The following UBE4A variants were observed in gnomAD, a reference collection of about 807,000 sequenced individuals.
UBE4A encodes ubiquitin conjugation factor E4 A.
In UBE4A, 48 loss-of-function variants were observed where a neutral mutation model predicts 117.9. That is an observed-to-expected ratio of 0.41 (90% confidence interval 0.32 to 0.52). The LOEUF (loss-of-function observed/expected upper bound fraction) is 0.52. Among genes scored for constraint, UBE4A ranks in the 20% least tolerant of loss-of-function variants. The pLI is 0.33. For missense variants in UBE4A, 1,067 were observed against 1,296.3 expected, an observed-to-expected ratio of 0.82 and a Z score of 2.72; for synonymous variants, 407 against 450.0, an observed-to-expected ratio of 0.90 and a Z score of 1.21.
chr11:118,360,980 GTA>G (rs990685315), intron 1 of UBE4A, among the ~76,000 whole-genome samples: 2 of 139,230 alleles, frequency 1.4e-5, no homozygotes, highest in Admixed American at 7.2e-5. Context: ...ATATATGTAT[GTA>G]TATATGTGTG....
chr11:118,363,309 C>T (rs544145686), intron 1 of UBE4A, among the ~76,000 whole-genome samples: 46 of 152,030 alleles, frequency 3.0e-4, no homozygotes, highest in Non-Finnish European at 6.0e-4. Flanking sequence ...TGGGAGGCCG[C>T]GGTGGGAGGA....
chr11:118,380,867 C>T (rs897292357), intron 11 of UBE4A, among the ~76,000 whole-genome samples: 5 of 152,270 alleles, frequency 3.3e-5, no homozygotes, highest in South Asian at 4.1e-4. Flanking sequence ...TCCCCCAGAG[C>T]AAGTGACCAA....
intron 6 of UBE4A, 149 bp downstream of exon 6, chr11:118,372,815 C>A: frequency 8.3e-7 from 1 of 1,202,656 alleles, no homozygotes; most frequent in Non-Finnish European, 1.2e-6. Flanking sequence ...GGTTGAGTAC[C>A]AATAGAATAA....
In UBE4A at chr11:118,398,959, A is replaced by AGCATTGCACCCAG; in HGVS notation, c.*2519_*2520insGCATTGCACCCAG. 1 of 440,220 alleles carries AGCATTGCACCCAG rather than the reference A, an allele frequency of 2.3e-6. No individual in the cohort carries two copies. 27.3% of individuals were successfully genotyped at this position (440,220 alleles called of 1,614,324 possible). A position where few individuals can be genotyped will look rare whatever the true frequency, so the allele number is the denominator to read the frequency against. On this transcript the variant is annotated 3_prime_UTR_variant, in exon 20 of 20. Coordinates refer to ENST00000252108, the MANE Select transcript of UBE4A (RefSeq NM_001204077.2). ...TTGCTAAGCAGCCATTGCACAGAGC[A>AGCATTGCACCCAG]TAAGTCTACTGGGTGCCTTTACATG...
chr11:118,368,700 C>T lies in UBE4A; in HGVS notation c.191C>T (p.Ser64Phe). Residue 64 changes from serine (S) to phenylalanine (F), a missense_variant, in exon 3 of 20, where the codon TCT (serine) becomes TTT (phenylalanine). Around this residue, in one of 3 missense-constraint regions of UBE4A, gnomAD observed 1,001 missense variants for 1,184.0 expected, o/e 0.85. Coordinates refer to ENST00000252108, the MANE Select transcript of UBE4A (RefSeq NM_001204077.2). ...GAGAGCCTGGATGAATTCGATTACTCTGTGGCTGAGATTAGCCGCTCATTC... is the reference window on the plus strand; with the variant it reads ...GAGAGCCTGGATGAATTCGATTACTTTGTGGCTGAGATTAGCCGCTCATTC... ...VSESLDEFDYSVAEISRSFRS... is the reference protein window; with the variant it reads ...VSESLDEFDYFVAEISRSFRS... 2 of 1,614,202 alleles carry T rather than the reference C, an allele frequency of 1.2e-6. No individual in the cohort carries two copies. Among genetic ancestry groups the T allele is most frequent in the Non-Finnish European group, 1.7e-6 (2 of 1,180,038 alleles).
At chr11:118,359,859 G>A (rs1948506668) in intron 1 of UBE4A, among the ~76,000 whole-genome samples, 185 bp downstream of exon 1, 1 of 152,122 alleles carries the variant, frequency 6.6e-6, no homozygotes, top group African/African-American at 2.4e-5. Context: ...ACCCCTTACA[G>A]TGCCCCAGCT....
rs370025001 is a variant in UBE4A, at chr11:118,384,947, TAAAAAAAAAAAAA to T, written c.2412+11_2412+23del. 1.5e-5 allele frequency: 16 copies of T among 1,067,142 alleles called. No individual in the cohort carries two copies. Among genetic ancestry groups the T allele is most frequent in the African/African-American group, 9.1e-5 (4 of 44,092 alleles). The allele number at this position is 1,067,142 out of a possible 1,614,324, so 66.1% of individuals were successfully genotyped here. A position where few individuals can be genotyped will look rare whatever the true frequency, so the allele number is the denominator to read the frequency against. Reference sequence around the variant, plus strand: ...TTCCTTTTGGATGAAGCCATACAGGTAAAAAAAAAAAAAAAAAAAAAGATTTAACTTCTCCATA... The same window carrying T: ...TTCCTTTTGGATGAAGCCATACAGGTAAAAAAAAGATTTAACTTCTCCATA... On this transcript the variant is annotated splice_donor_5th_base_variant and intron_variant, in intron 15 of 19. Coordinates refer to ENST00000252108, the MANE Select transcript of UBE4A (RefSeq NM_001204077.2).
At chr11:118,395,065 C>T (rs1180175529) in intron 19 of UBE4A, among the ~76,000 whole-genome samples, 3 of 152,152 alleles carry the variant, frequency 2.0e-5, no homozygotes, top group Non-Finnish European at 2.9e-5. Flanking sequence ...CAGTGGCTTA[C>T]GCCTGTAATC....
chr11:118,360,614 G>C (rs1304715249), intron 1 of UBE4A, among the ~76,000 whole-genome samples: 1 of 152,130 alleles, frequency 6.6e-6, no homozygotes, highest in African/African-American at 2.4e-5. Context: ...TGATTTTGAC[G>C]ATCCCAGTTT....
chr11:118,386,640 C>G, intron 16 of UBE4A, 28 bp downstream of exon 16: 1 of 1,494,524 alleles, frequency 6.7e-7, no homozygotes, highest in Non-Finnish European at 8.9e-7. Flanking sequence ...TGCTTCCCCC[C>G]AAAAAAGTAA....
intron 9 of UBE4A, among the ~76,000 whole-genome samples, chr11:118,375,787 AAATG>A (rs782390620): frequency 7.9e-5 from 12 of 152,332 alleles, no homozygotes; most frequent in Middle Eastern, 3.4e-3. Flanking sequence ...TAGTTTATAA[AAATG>A]AATAAAGCAG....
At position 118,373,489 on chromosome 11, in the gene UBE4A, T is replaced by TA. The variant is rs754342966; in HGVS notation, c.925-4dup. ...TGAATAAGCAGAACTTGTCTTCTCT[T>TA]ACAGGTTTTTGTAGAATACATTCAG... is the stretch of plus-strand genomic sequence containing the variant. On this transcript the variant is annotated splice_region_variant and splice_polypyrimidine_tract_variant and intron_variant, in intron 7 of 19. Transcript: ENST00000252108. The TA allele has an allele frequency of 1.2e-6, 2 of 1,608,964 alleles. No individual in the cohort carries two copies. The highest frequency in any genetic ancestry group is 2.2e-5 in the East Asian group (1 of 44,830).
rs765012818 is a variant in UBE4A, at chr11:118,368,814, A to G, written c.295+10A>G. The G allele has an allele frequency of 1.2e-6, 2 of 1,613,888 alleles. No homozygotes were observed. The highest frequency in any genetic ancestry group is 1.3e-5 in the African/African-American group (1 of 75,056). ...ATTACTCTGGACAACAGTGAGTTAC[A>G]AACTTATAGCATTATTCTACCCTTC... On this transcript the variant is annotated intron_variant, in intron 3 of 19. Coordinates refer to ENST00000252108, the MANE Select transcript of UBE4A (RefSeq NM_001204077.2).
At chr11:118,366,825 T>C (rs1948567254) in intron 2 of UBE4A, among the ~76,000 whole-genome samples, 1 of 152,212 alleles carries the variant, frequency 6.6e-6, no homozygotes, top group Non-Finnish European at 1.5e-5. Flanking sequence ...TCCCAGCTCC[T>C]TGGGAGGCCT....
Position 118,390,698 on chromosome 11 carries a change from G to A in UBE4A, c.2810G>A (p.Arg937His). The change falls in exon 18 of 20, where the codon CGT (arginine) becomes CAT (histidine). Residue 937 changes from arginine to histidine, a missense_variant. By Grantham distance (29) the Arg-to-His change is conservative (BLOSUM62 0). Coordinates refer to ENST00000252108, the MANE Select transcript of UBE4A (RefSeq NM_001204077.2). ...TGTGCCACTGTGCCCAAGGATGGAC[G>A]TTCCTATTCCCCAACTCTCTTTGCA... ...NFCATVPKDG[R>H]SYSPTLFAQT... 6.4e-7 allele frequency: 1 copy of A among 1,566,452 alleles called. No individual in the cohort carries two copies. The highest frequency in any genetic ancestry group is 8.6e-7 in the Non-Finnish European group (1 of 1,159,100).
intron 2 of UBE4A, 142 bp downstream of exon 2, chr11:118,365,343 A>G (rs1409604519): frequency 7.8e-7 from 1 of 1,277,492 alleles, no homozygotes. Flanking sequence ...GAGAGCAGAA[A>G]TTGGGGTTTT....
chr11:118,383,935 T>G (rs1948730719), intron 13 of UBE4A, among the ~76,000 whole-genome samples: 1 of 152,232 alleles, frequency 6.6e-6, no homozygotes, highest in South Asian at 2.1e-4. Context: ...AATTGTATAA[T>G]AAATCATTGC....
chr11:118,392,696 A>G (rs1948830677), intron 18 of UBE4A, 42 bp from the exon 19 acceptor site: 1 of 1,583,170 alleles, frequency 6.3e-7, no homozygotes, highest in East Asian at 2.2e-5. Context: ...GAATTCAGCT[A>G]CACTGTGAAT....
At chr11:118,369,641 T>C in intron 4 of UBE4A, 106 bp downstream of exon 4, 3 of 602,166 alleles carry the variant, frequency 5.0e-6, no homozygotes, top group Non-Finnish European at 8.4e-6. Flanking sequence ...TGTCCATCCC[T>C]CTCTCTTTTT....
Sources: gnomAD v4.1 joint callset for allele counts (sites outside exome capture counted in the v4.1 genomes callset) on GRCh38, gnomAD v4.1.1 for gene constraint, gnomAD v4.1.1 regional missense constraint, MANE v1.5 for transcripts, NCBI Gene and HGNC (gene_info 2026-07-23, HGNC 2026-07-21) for gene names.